The following SAMSN1 variants were observed in gnomAD, a reference collection of about 807,000 sequenced individuals.
The protein encoded by SAMSN1 is SAM domain-containing protein SAMSN-1.
A neutral mutation model predicts 42.0 loss-of-function variants in SAMSN1; 31 were observed. That is an observed-to-expected ratio of 0.74 (90% CI 0.55 to 1.00). SAMSN1 has a LOEUF of 1.00. SAMSN1 is among the 50% of genes least tolerant of loss of function. SAMSN1 has a pLI of 0.00. For missense variants in SAMSN1, 464 were observed against 439.4 expected (o/e 1.06, Z -0.50); for synonymous variants, 178 against 151.9 (o/e 1.17, Z -1.26).
At chr21:14,614,061 T>C (rs1022884190) in intron 3 of SAMSN1, among the ~76,000 whole-genome samples, 1 of 152,172 alleles carries the variant, frequency 6.6e-6, no homozygotes, top group Non-Finnish European at 1.5e-5. Flanking sequence ...TTTTGGATCC[T>C]GATTTAAATA....
intron 6 of SAMSN1, among the ~76,000 whole-genome samples, chr21:14,599,543 G>A (rs1178655072): frequency 6.6e-6 from 1 of 152,086 alleles, no homozygotes; most frequent in Non-Finnish European, 1.5e-5. Flanking sequence ...CTAATACATG[G>A]GGCCTAATGG....
At chr21:14,536,316 T>A (rs1979613886) in intron 1 of SAMSN1, among the ~76,000 whole-genome samples, 1 of 152,192 alleles carries the variant, frequency 6.6e-6, no homozygotes, top group Admixed American at 6.6e-5. Flanking sequence ...GAGATAAGTG[T>A]GTGACTAAAT....
intron 2 of SAMSN1, among the ~76,000 whole-genome samples, chr21:14,569,994 C>CA (rs1319986954): frequency 6.7e-6 from 1 of 149,456 alleles, no homozygotes; most frequent in South Asian, 2.1e-4. Context: ...TCCCCCCCCC[C>CA]AGTTTTTCAC....
At chr21:14,638,170 ATT>A (rs1330361924) in intron 2 of SAMSN1, among the ~76,000 whole-genome samples, 1 of 152,214 alleles carries the variant, frequency 6.6e-6, no homozygotes, top group African/African-American at 2.4e-5. Flanking sequence ...TCCTTGTGAA[ATT>A]TGGAAAGTGG....
chr21:14,620,773 G>C (rs1223874205), intron 2 of SAMSN1, among the ~76,000 whole-genome samples: 1 of 152,124 alleles, frequency 6.6e-6, no homozygotes, highest in Non-Finnish European at 1.5e-5. Flanking sequence ...GATACATATA[G>C]ATGACATTTC....
intron 3 of SAMSN1, among the ~76,000 whole-genome samples, chr21:14,515,260 T>A (rs1037659515): frequency 3.3e-5 from 5 of 152,092 alleles, no homozygotes; most frequent in Non-Finnish European, 7.4e-5. Flanking sequence ...AAAAAGAGAA[T>A]GGACATAAGA....
At chr21:14,525,677 A>C (rs1260430894) in intron 1 of SAMSN1, among the ~76,000 whole-genome samples, 1 of 152,328 alleles carries the variant, frequency 6.6e-6, no homozygotes, top group East Asian at 1.9e-4. Context: ...TGCGGCTATG[A>C]GGAAGAAACA....
chr21:14,612,552 T>C (rs949599187), intron 4 of SAMSN1: 7 of 472,296 alleles, frequency 1.5e-5, no homozygotes, highest in African/African-American at 4.0e-5. Context: ...AGATCTAAAA[T>C]GATCTCTAAC....
intron 2 of SAMSN1, among the ~76,000 whole-genome samples, chr21:14,570,265 A>G (rs966932680): frequency 4.6e-5 from 7 of 152,142 alleles, no homozygotes; most frequent in Non-Finnish European, 1.0e-4. Context: ...GCCACCCTTA[A>G]TATTCATTAG....
intron 2 of SAMSN1, among the ~76,000 whole-genome samples, chr21:14,633,615 T>C (rs1478787691): frequency 6.6e-6 from 1 of 152,202 alleles, no homozygotes; most frequent in Non-Finnish European, 1.5e-5. Flanking sequence ...AATATGATTA[T>C]AGTAGAGGAA....
chr21:14,609,078 C>T (rs957510775), intron 5 of SAMSN1, among the ~76,000 whole-genome samples: 2 of 152,016 alleles, frequency 1.3e-5, no homozygotes, highest in Non-Finnish European at 2.9e-5. Context: ...GGTTATTTCT[C>T]TTAAATTTTT....
At chr21:14,600,887 G>C (rs1173444737) in intron 6 of SAMSN1, among the ~76,000 whole-genome samples, 1 of 152,012 alleles carries the variant, frequency 6.6e-6, no homozygotes, top group Non-Finnish European at 1.5e-5. Context: ...GGAGAAGGAG[G>C]GTGAGGGAGA....
At chr21:14,636,085 A>C (rs1387842163) in intron 2 of SAMSN1, among the ~76,000 whole-genome samples, 1 of 152,080 alleles carries the variant, frequency 6.6e-6, no homozygotes, top group Non-Finnish European at 1.5e-5. Flanking sequence ...AAGAGACATA[A>C]ATTTTTATTC....
At chr21:14,545,620 G>A (rs1217047587) in intron 1 of SAMSN1, among the ~76,000 whole-genome samples, 1 of 151,926 alleles carries the variant, frequency 6.6e-6, no homozygotes, top group Non-Finnish European at 1.5e-5. Context: ...AAGTCTACCA[G>A]TATATGGTGT....
upstream of SAMSN1, among the ~76,000 whole-genome samples, chr21:14,587,767 T>A (rs969534167): frequency 2.9e-3 from 399 of 139,094 alleles, 1 homozygote; most frequent in African/African-American, 9.3e-3. Context: ...TTATTTATTT[T>A]TTAAATTTTT....
At chr21:14,517,134 G>C in intron 2 of SAMSN1, 93 bp from the exon 3 acceptor site, 1 of 1,192,950 alleles carries the variant, frequency 8.4e-7, no homozygotes, top group Non-Finnish European at 1.2e-6. Context: ...TGAGTTTGTG[G>C]ATTTTGCATG....
chr21:14,538,360 A>T (rs1487180581), intron 1 of SAMSN1, among the ~76,000 whole-genome samples: 1 of 152,200 alleles, frequency 6.6e-6, no homozygotes, highest in Non-Finnish European at 1.5e-5. Context: ...AGAAGCAGAA[A>T]AACTGTGCCA....
At chr21:14,655,961 A>T (rs1194551755) in intron 1 of SAMSN1, among the ~76,000 whole-genome samples, 1 of 151,788 alleles carries the variant, frequency 6.6e-6, no homozygotes, top group Non-Finnish European at 1.5e-5. Flanking sequence ...CTTGGAGAAA[A>T]ATTCACAATG....
rs1387532617 is a variant in SAMSN1 at position 14,577,267 on chromosome 21, TATATATATATATATA to T, written c.261+4854_261+4868del. Among the ~76,000 whole-genome samples the T allele has an allele frequency of 5.7e-4, 30 of 52,820 alleles. 1 individual carries two copies. Among genetic ancestry groups the T allele is most frequent in the East Asian group, 2.3e-3 (6 of 2,634 alleles). 34.7% of individuals were successfully genotyped at this position (52,820 alleles called of 152,430 possible). On this transcript the variant is annotated intron_variant, in intron 2 of 8. Transcript: ENST00000285670. ...ATATATATATATATATATATATATATATATATATATATATATATTTTTTTTTTAGAAGAGACAGGG... is the reference window on the plus strand; with the variant it reads ...ATATATATATATATATATATATATATTATTTTTTTTTTAGAAGAGACAGGG...
Sources: allele counts gnomAD v4.1 joint callset (sites outside exome capture counted in the v4.1 genomes callset), GRCh38; gene constraint gnomAD v4.1.1; transcripts MANE v1.5; gene names NCBI Gene and HGNC (gene_info 2026-07-23, HGNC 2026-07-21).